RIPK2: variants seen among roughly 807,000 people sequenced by gnomAD.
RIPK2 encodes the protein receptor interacting serine/threonine kinase 2, also known as receptor-interacting serine/threonine-protein kinase 2.
In RIPK2, 38 loss-of-function variants were observed where a neutral mutation model predicts 60.9. That is an observed-to-expected ratio of 0.62 (90% CI 0.48 to 0.82). The LOEUF is 0.82. Among genes scored for constraint, RIPK2 ranks in the 40% least tolerant of loss-of-function variants. RIPK2 has a pLI of 0.00. For missense variants in RIPK2, 518 were observed against 647.0 expected (o/e 0.80, Z 2.16); for synonymous variants, 225 against 223.4 (o/e 1.01, Z -0.06).
At chr8:89,788,070 G>A (rs950241489) in intron 9 of RIPK2, among the ~76,000 whole-genome samples, 2 of 152,236 alleles carry the variant, frequency 1.3e-5, no homozygotes, top group East Asian at 1.9e-4. Context: ...GGCTGCATGC[G>A]GTGGCTCACA....
intron 6 of RIPK2, among the ~76,000 whole-genome samples, chr8:89,777,942 G>C (rs1331548130): frequency 6.6e-6 from 1 of 152,084 alleles, no homozygotes; most frequent in Non-Finnish European, 1.5e-5. Flanking sequence ...AAGAAATTCT[G>C]TCAATAGGAC....
intron 4 of RIPK2, among the ~76,000 whole-genome samples, 198 bp downstream of exon 4, chr8:89,770,127 A>T (rs1255139438): frequency 6.6e-6 from 1 of 151,846 alleles, no homozygotes; most frequent in African/African-American, 2.4e-5. Context: ...AAACTTTTAC[A>T]TCCTTTAAGA....
At chr8:89,763,872 C>A (rs1257967400) in intron 2 of RIPK2, among the ~76,000 whole-genome samples, 1 of 152,006 alleles carries the variant, frequency 6.6e-6, no homozygotes, top group Non-Finnish European at 1.5e-5. Context: ...TACCACAGAG[C>A]CAAGATACAA....
At position 89,790,108 on chromosome 8, in the gene RIPK2, TG is replaced by T; in HGVS notation, c.1317del (p.Trp439Ter). ...ERLQPGIAQQ[W>X]IQSKREDIVN... is the part of the protein sequence containing the mutation. ...TCTGCAGCCTGGTATAGCCCAGCAG[TG>T]GATCCAGAGCAAAAGGGAAGACATT... On this transcript the variant is annotated frameshift_variant, in exon 11 of 11. Transcript: ENST00000220751. LOFTEE classifies it high-confidence loss of function. The T allele has an allele frequency of 6.2e-7, 1 of 1,613,996 alleles. No individual in the cohort carries two copies. The highest frequency in any genetic ancestry group is 8.5e-7 in the Non-Finnish European group (1 of 1,179,952).
chr8:89,767,923 A>G (rs935972274), intron 3 of RIPK2, among the ~76,000 whole-genome samples: 1 of 151,666 alleles, frequency 6.6e-6, no homozygotes, highest in Non-Finnish European at 1.5e-5. Context: ...TATTACATGG[A>G]TTTTAATCCT....
At chr8:89,785,587 A>G (rs1261625468) in intron 8 of RIPK2, among the ~76,000 whole-genome samples, 1 of 152,198 alleles carries the variant, frequency 6.6e-6, no homozygotes, top group Non-Finnish European at 1.5e-5. Flanking sequence ...ATCTCGTTAT[A>G]TATATACAAA....
intron 9 of RIPK2, among the ~76,000 whole-genome samples, chr8:89,788,104 G>A (rs1809616254): frequency 6.6e-6 from 1 of 152,200 alleles, no homozygotes; most frequent in Admixed American, 6.5e-5. Context: ...CATTTTGCAA[G>A]GCCAAGGTGG....
intron 4 of RIPK2, 95 bp from the exon 5 acceptor site, chr8:89,771,646 G>T (rs1809312774): frequency 1.4e-6 from 1 of 731,928 alleles, no homozygotes; most frequent in East Asian, 2.8e-5. Context: ...TTTGAAAAAT[G>T]GTATCTTCAG....
intron 7 of RIPK2, among the ~76,000 whole-genome samples, chr8:89,783,130 A>G (rs1017812126): frequency 2.6e-5 from 4 of 152,240 alleles, no homozygotes; most frequent in Non-Finnish European, 5.9e-5. Flanking sequence ...GTATGCAGTC[A>G]TAAATGTGCA....
At chr8:89,782,029 G>T (rs995352077) in intron 7 of RIPK2, among the ~76,000 whole-genome samples, 4 of 152,170 alleles carry the variant, frequency 2.6e-5, no homozygotes, top group Non-Finnish European at 4.4e-5. Flanking sequence ...GGTGGCACAT[G>T]CCTGTAGTCG....
At chr8:89,775,860 A>G (rs923438602) in intron 6 of RIPK2, among the ~76,000 whole-genome samples, 1 of 152,194 alleles carries the variant, frequency 6.6e-6, no homozygotes, top group Admixed American at 6.5e-5. Flanking sequence ...AAGATAAAGT[A>G]CAATGCCTAT....
At chr8:89,762,399 A>C (rs1208094519) in intron 1 of RIPK2, among the ~76,000 whole-genome samples, 1 of 152,150 alleles carries the variant, frequency 6.6e-6, no homozygotes, top group Non-Finnish European at 1.5e-5. Context: ...TATTTGGAAA[A>C]TGTTTATATG....
At chr8:89,764,079 C>T (rs1448193536) in intron 2 of RIPK2, among the ~76,000 whole-genome samples, 2 of 152,148 alleles carry the variant, frequency 1.3e-5, no homozygotes, top group East Asian at 3.9e-4. Context: ...CACTTCTCTC[C>T]CTTGTCTCCA....
chr8:89,778,229 G>GT (rs1411108880), intron 6 of RIPK2, among the ~76,000 whole-genome samples: 1 of 151,972 alleles, frequency 6.6e-6, no homozygotes, highest in Non-Finnish European at 1.5e-5. Flanking sequence ...GGATTTAACT[G>GT]TTCAATTAAT....
intron 6 of RIPK2, among the ~76,000 whole-genome samples, chr8:89,774,372 A>G (rs1356516866): frequency 6.6e-6 from 1 of 152,200 alleles, no homozygotes; most frequent in Non-Finnish European, 1.5e-5. Flanking sequence ...CAAAATAGCT[A>G]TAATTAAAGA....
chr8:89,789,764 A>T (rs1472026595), intron 10 of RIPK2, among the ~76,000 whole-genome samples: 1 of 152,156 alleles, frequency 6.6e-6, no homozygotes, highest in African/African-American at 2.4e-5. Flanking sequence ...GGTATCTTTT[A>T]TATTTGAAAT....
Position 89,769,810 on chromosome 8 carries a change from C to CCTCT in RIPK2, c.524_527dup (p.Gln177LeufsTer6). On this transcript the variant is annotated frameshift_variant, in exon 4 of 11. Transcript: ENST00000220751. LOFTEE classifies it high-confidence loss of function. ...GTTTATCAAAGTGGCGCATGATGTC[C>CCTCT]CTCTCACAGTCACGAAGTAGCAAAT... The CCTCT allele has an allele frequency of 6.2e-7, 1 of 1,607,510 alleles. No individual in the cohort carries two copies. The highest frequency in any genetic ancestry group is 8.5e-7 in the Non-Finnish European group (1 of 1,176,656).
Position 89,787,187 on chromosome 8 carries a change from G to C in RIPK2, c.1123+501G>C, listed in dbSNP as rs372266837. Among the ~76,000 whole-genome samples the C allele has an allele frequency of 1.5e-4, 23 of 152,018 alleles. No individual in the cohort carries two copies. The East Asian group carries it at 2.5e-3, about 17-fold the overall frequency. Reference sequence around the variant, plus strand: ...TCAAAAAATAAATTTTAAAAAACAGGCATTATGTTAGACACTGCCAGAAAA... The same window carrying C: ...TCAAAAAATAAATTTTAAAAAACAGCCATTATGTTAGACACTGCCAGAAAA... On this transcript the variant is annotated intron_variant, in intron 9 of 10. Transcript: ENST00000220751.
At chr8:89,781,003 C>CA (rs1338814039) in intron 7 of RIPK2, among the ~76,000 whole-genome samples, 3 of 150,880 alleles carry the variant, frequency 2.0e-5, no homozygotes, top group African/African-American at 7.3e-5. Context: ...TTCATTAGGG[C>CA]AAGTGCTAAA....
Sources: gnomAD v4.1 joint callset for allele counts (sites outside exome capture counted in the v4.1 genomes callset) on GRCh38, gnomAD v4.1.1 for gene constraint, MANE v1.5 for transcripts, NCBI Gene and HGNC (gene_info 2026-07-23, HGNC 2026-07-21) for gene names.